Variants in RGL1 observed in about 807,000 individuals in gnomAD.
The protein encoded by RGL1 is ral guanine nucleotide dissociation stimulator like 1, also known as ral guanine nucleotide dissociation stimulator-like 1.
A neutral mutation model predicts 95.2 loss-of-function variants in RGL1; 24 were observed. That is an observed-to-expected ratio of 0.25 (90% CI 0.18 to 0.35). The LOEUF (loss-of-function observed/expected upper bound fraction) is 0.35, where lower values mean the gene tolerates loss of function less well. Among genes scored for constraint, RGL1 ranks in the 10% least tolerant of loss-of-function variants. The probability of loss-of-function intolerance (pLI) is 1.00; values close to 1 mark genes in which losing one functional copy is unlikely to be tolerated. For missense variants in RGL1, 715 were observed against 936.3 expected, an observed-to-expected ratio of 0.76 and a Z score of 3.08; for synonymous variants, 329 against 344.9, an observed-to-expected ratio of 0.95 and a Z score of 0.51.
In RGL1 at chr1:183,648,811, C is replaced by A. The variant is rs752259873; in HGVS notation, c.-33+12310C>A. Reference sequence around the variant, plus strand: ...AGATTTACTGTCTTCTAGCTGCAAACCTAAACAAGGAAGAGAAATTACATA... The same window carrying A: ...AGATTTACTGTCTTCTAGCTGCAAAACTAAACAAGGAAGAGAAATTACATA... On this transcript the variant is annotated intron_variant, in intron 1 of 18. Coordinates refer to the RGL1 transcript ENST00000304685. 1.6e-5 allele frequency: 24 copies of A among 1,517,448 alleles called. No homozygotes were observed. The African/African-American group carries it at 2.9e-4, about 19-fold the overall frequency. 94.0% of individuals were successfully genotyped at this position (1,517,448 alleles called of 1,614,324 possible).
chr1:183,706,492 A>T (rs1654921176), intron 1 of RGL1, among the ~76,000 whole-genome samples: 1 of 152,166 alleles, frequency 6.6e-6, no homozygotes, highest in African/African-American at 2.4e-5. Flanking sequence ...GGCTGATGAG[A>T]TACGAGTAGG....
rs928469008 is a variant in RGL1 at position 183,790,943 on chromosome 1, C to CACAA, written c.133-15431_133-15430insCAAA. On this transcript the variant is annotated intron_variant, in intron 2 of 18. Transcript: ENST00000304685. Reference sequence around the variant, plus strand: ...ATGTGTACACACACACACACACACACAATCTCTGGAGGGAAGGAGAGAAGA... The same window carrying CACAA: ...ATGTGTACACACACACACACACACACACAAAATCTCTGGAGGGAAGGAGAGAAGA... 1.7e-3 allele frequency among the ~76,000 whole-genome samples: 255 copies of CACAA among 151,744 alleles called. 4 individuals are homozygous for CACAA. In the East Asian group the frequency reaches 0.042, roughly 25 times the overall value.
At chr1:183,756,389 A>G (rs779231107) in intron 2 of RGL1, among the ~76,000 whole-genome samples, 1 of 152,188 alleles carries the variant, frequency 6.6e-6, no homozygotes, top group Non-Finnish European at 1.5e-5. Flanking sequence ...TACCATTTAG[A>G]GCATCTGTAG....
At chr1:183,686,735 T>C (rs1447472730) in intron 1 of RGL1, among the ~76,000 whole-genome samples, 2 of 152,210 alleles carry the variant, frequency 1.3e-5, no homozygotes, top group Non-Finnish European at 2.9e-5. Context: ...TGACTTTAAA[T>C]ACCATCTGTA....
intron 1 of RGL1, chr1:183,653,224 C>G (rs1272365576): frequency 6.6e-6 from 1 of 152,206 alleles, no homozygotes; most frequent in Non-Finnish European, 1.5e-5. Context: ...GTTCAGGACT[C>G]TTTCACAGTT....
rs1233214285 is a variant in RGL1, at chr1:183,903,560, G to C, written c.1350+960G>C. On this transcript the variant is annotated intron_variant, in intron 12 of 17. Coordinates refer to ENST00000360851, the MANE Select transcript of RGL1 (RefSeq NM_001297671.3). ...CAAATATTGACTGTCTACCTAACAT[G>C]GGGGGGGTTTGGGAATTACAGCAGA... 2.0e-5 allele frequency among the ~76,000 whole-genome samples: 3 copies of C among 149,090 alleles called. 1 individual carries two copies. The highest frequency in any genetic ancestry group is 4.2e-4 in the South Asian group (2 of 4,784).
chr1:183,766,981 C>T (rs1659001969), intron 2 of RGL1, among the ~76,000 whole-genome samples: 1 of 151,576 alleles, frequency 6.6e-6, no homozygotes, highest in African/African-American at 2.4e-5. Flanking sequence ...TTTGGAAAGC[C>T]AAGGTGGGAG....
intron 1 of RGL1, among the ~76,000 whole-genome samples, chr1:183,654,050 A>C (rs1330757078): frequency 6.6e-6 from 1 of 152,196 alleles, no homozygotes; most frequent in African/African-American, 2.4e-5. Flanking sequence ...GTAAGCAGAC[A>C]TACTCTAAAA....
At chr1:183,805,562 A>C (rs1661234988) in intron 1 of RGL1, among the ~76,000 whole-genome samples, 1 of 152,142 alleles carries the variant, frequency 6.6e-6, no homozygotes, top group African/African-American at 2.4e-5. Context: ...GCATGTCAGG[A>C]GGGGAGAACT....
chr1:183,761,755 T>C (rs1658676508), intron 2 of RGL1, among the ~76,000 whole-genome samples: 1 of 152,224 alleles, frequency 6.6e-6, no homozygotes, highest in Non-Finnish European at 1.5e-5. Flanking sequence ...ATAAGACTAT[T>C]TTGTCTACAT....
rs1222267991 is a variant in RGL1, at chr1:183,826,558, TAAG to T, written c.138+20081_138+20083del. ...TGATTATTTGTGGAATAAATGCATG[TAAG>T]AAGAAGATGATGATGAAATACCAGG... On this transcript the variant is annotated intron_variant, in intron 2 of 17. Transcript: ENST00000360851. Among the ~76,000 whole-genome samples, 10 of 152,278 alleles carry T rather than the reference TAAG, an allele frequency of 6.6e-5. No individual in the cohort carries two copies. In the East Asian group the frequency reaches 1.5e-3, roughly 23 times the overall value.
rs777684739 is a variant in RGL1, at chr1:183,838,540, C to T, written c.139-9026C>T. Among the ~76,000 whole-genome samples, 12 of 152,194 alleles carry T rather than the reference C, an allele frequency of 7.9e-5. No individual in the cohort carries two copies. In the South Asian group the frequency reaches 8.3e-4, roughly 11 times the overall value. ...TCAAGCAAGGTCAACTCTTGGGGCTCGTGTAGTTTTTTCAGAGCACATTGG... is the reference window on the plus strand; with the variant it reads ...TCAAGCAAGGTCAACTCTTGGGGCTTGTGTAGTTTTTTCAGAGCACATTGG... On this transcript the variant is annotated intron_variant, in intron 2 of 17. Transcript: ENST00000360851.
chr1:183,877,596 C>G (rs1475899780), intron 4 of RGL1, among the ~76,000 whole-genome samples: 1 of 152,160 alleles, frequency 6.6e-6, no homozygotes, highest in Non-Finnish European at 1.5e-5. Context: ...GGCTCTGCCT[C>G]GTGTTCTATT....
At chr1:183,673,317 A>G (rs576647152) in intron 1 of RGL1, among the ~76,000 whole-genome samples, 2 of 152,174 alleles carry the variant, frequency 1.3e-5, no homozygotes, top group Non-Finnish European at 2.9e-5. Flanking sequence ...AGGTAGCATA[A>G]ATTTGAAACT....
chr1:183,689,885 T>C (rs1221869734), intron 1 of RGL1, among the ~76,000 whole-genome samples: 2 of 152,170 alleles, frequency 1.3e-5, no homozygotes, highest in East Asian at 1.9e-4. Context: ...ACTGCAGAGA[T>C]GTGAGGTACA....
chr1:183,869,907 A>G (rs548499338), intron 4 of RGL1, among the ~76,000 whole-genome samples: 1 of 152,314 alleles, frequency 6.6e-6, no homozygotes, highest in Non-Finnish European at 1.5e-5. Flanking sequence ...GTGGTTCTCA[A>G]CAGGGCGATT....
chr1:183,817,923 G>T (rs879580084), intron 2 of RGL1, among the ~76,000 whole-genome samples: 1 of 152,184 alleles, frequency 6.6e-6, no homozygotes, highest in Admixed American at 6.5e-5. Context: ...CTGCTGTTTT[G>T]TTCCCACAGA....
At chr1:183,785,579 A>G (rs1224318038) in intron 2 of RGL1, among the ~76,000 whole-genome samples, 1 of 152,130 alleles carries the variant, frequency 6.6e-6, no homozygotes, top group Non-Finnish European at 1.5e-5. Flanking sequence ...TCTTTATGTC[A>G]TGTCCAGCAC....
chr1:183,753,756 C>CAT (rs1658168361), intron 2 of RGL1, among the ~76,000 whole-genome samples: 1 of 152,104 alleles, frequency 6.6e-6, no homozygotes, highest in East Asian at 1.9e-4. Context: ...GAATTTTTGG[C>CAT]ATATATAGCA....
Sources: gnomAD v4.1 joint callset for allele counts (sites outside exome capture counted in the v4.1 genomes callset) on GRCh38, gnomAD v4.1.1 for gene constraint, MANE v1.5 for transcripts, NCBI Gene and HGNC (gene_info 2026-07-23, HGNC 2026-07-21) for gene names.